Variants in MAGI2 observed in about 807,000 individuals in gnomAD.
MAGI2 encodes membrane associated guanylate kinase, WW and PDZ domain containing 2.
Under a neutral mutation model 133.3 loss-of-function variants are expected in MAGI2, and 35 were observed. The observed-to-expected ratio is 0.26, with a 90% CI of 0.20 to 0.35. The LOEUF is 0.35. Ranked by LOEUF, MAGI2 falls within the 10% of genes least tolerant of loss-of-function variation. The pLI, the probability that MAGI2 is intolerant of heterozygous loss-of-function variation, is 1.00. For missense variants in MAGI2, 1,636 were observed against 1,863.4 expected, an observed-to-expected ratio of 0.88 and a Z score of 2.25; for synonymous variants, 729 against 710.6, an observed-to-expected ratio of 1.03 and a Z score of -0.41.
chr7:78,463,769 T>A (rs1183481781), intron 6 of MAGI2, among the ~76,000 whole-genome samples: 1 of 152,232 alleles, frequency 6.6e-6, no homozygotes, highest in Non-Finnish European at 1.5e-5. Context: ...TTATTTTTCA[T>A]GTCTACTATG....
chr7:78,741,165 A>G (rs1278103752), intron 2 of MAGI2, among the ~76,000 whole-genome samples: 2 of 152,150 alleles, frequency 1.3e-5, no homozygotes, highest in Admixed American at 1.3e-4. Context: ...TACAGGAAGT[A>G]AGAGCTATAG....
intron 1 of MAGI2, among the ~76,000 whole-genome samples, chr7:79,140,086 G>A (rs898795474): frequency 2.6e-5 from 4 of 152,106 alleles, no homozygotes; most frequent in African/African-American, 9.7e-5. Flanking sequence ...TTTAGCCTTC[G>A]AGACCATTAA....
intron 2 of MAGI2, among the ~76,000 whole-genome samples, chr7:78,793,231 G>C (rs1787323335): frequency 6.6e-6 from 1 of 152,196 alleles, no homozygotes; most frequent in South Asian, 2.1e-4. Flanking sequence ...ATGTTTGAGA[G>C]ATATGCACTG....
intron 9 of MAGI2, among the ~76,000 whole-genome samples, chr7:78,280,853 CAAAAAA>C (rs36097343): frequency 2.3e-3 from 252 of 108,038 alleles, no homozygotes; most frequent in African/African-American, 8.4e-3. Flanking sequence ...GATGGGTATA[CAAAAAA>C]AAAAAAAAAA....
At chr7:78,702,446 A>G (rs2151153047) in intron 2 of MAGI2, among the ~76,000 whole-genome samples, 1 of 152,112 alleles carries the variant, frequency 6.6e-6, no homozygotes, top group Non-Finnish European at 1.5e-5. Context: ...TATAGTCACT[A>G]AATAGAATAA....
At chr7:79,315,481 G>A (rs959960437) in intron 1 of MAGI2, among the ~76,000 whole-genome samples, 5 of 151,236 alleles carry the variant, frequency 3.3e-5, no homozygotes, top group South Asian at 4.2e-4. Context: ...AGCCTAATTC[G>A]TTTTTTTTAA....
intron 1 of MAGI2, among the ~76,000 whole-genome samples, chr7:79,307,267 C>A (rs73704122): frequency 6.6e-6 from 1 of 152,114 alleles, no homozygotes; most frequent in Non-Finnish European, 1.5e-5. Flanking sequence ...AAAATCATAG[C>A]TACACCTAGT....
At chr7:79,384,130 TA>T (rs1238915380) in intron 1 of MAGI2, among the ~76,000 whole-genome samples, 1 of 151,142 alleles carries the variant, frequency 6.6e-6, no homozygotes, top group Non-Finnish European at 1.5e-5. Flanking sequence ...ACAGATACAT[TA>T]AAAGAAAATT....
intron 2 of MAGI2, among the ~76,000 whole-genome samples, chr7:78,849,323 GC>G (rs1792919579): frequency 6.6e-6 from 1 of 151,970 alleles, no homozygotes; most frequent in Non-Finnish European, 1.5e-5. Context: ...ATATGGAATA[GC>G]AAAAACAAAA....
intron 7 of MAGI2, chr7:78,359,242 G>C (rs1376927502): frequency 6.6e-6 from 1 of 152,110 alleles, no homozygotes; most frequent in Non-Finnish European, 1.5e-5. Flanking sequence ...TCGTGAAAGG[G>C]GCATCTCTTT....
At chr7:79,142,750 G>GCTC (rs1251773058) in intron 1 of MAGI2, among the ~76,000 whole-genome samples, 7 of 152,162 alleles carry the variant, frequency 4.6e-5, no homozygotes, top group Non-Finnish European at 8.8e-5. Context: ...GTTGGATCTA[G>GCTC]CTCCTCAGTT....
At chr7:78,340,012 A>G (rs1790187534) in intron 9 of MAGI2, among the ~76,000 whole-genome samples, 1 of 152,170 alleles carries the variant, frequency 6.6e-6, no homozygotes, top group Non-Finnish European at 1.5e-5. Context: ...TCAGATGAAT[A>G]CCTCAATTTT....
Position 78,178,067 on chromosome 7 carries a change from T to G in MAGI2, c.2347A>C (p.Arg783=), listed in dbSNP as rs1563221199. 6.2e-7 allele frequency: 1 copy of G among 1,613,122 alleles called. No homozygotes were observed. The highest frequency in any genetic ancestry group is 8.5e-7 in the Non-Finnish European group (1 of 1,179,270). The part of the protein sequence containing the change: ...DYKELDVHLR[R]MESGFGFRIL... ...CTGAAGCCAAATCCAGACTCCATCCTCCGAAGATGAACATCCAATTCCTTA... is the reference window on the plus strand; with the variant it reads ...CTGAAGCCAAATCCAGACTCCATCCGCCGAAGATGAACATCCAATTCCTTA... The change falls in exon 14 of 22, where the codon AGG becomes CGG. Residue 783 remains arginine (R), a synonymous_variant. Transcript: ENST00000354212.
At chr7:78,059,087 G>A (rs960266748) in intron 21 of MAGI2, among the ~76,000 whole-genome samples, 7 of 152,042 alleles carry the variant, frequency 4.6e-5, no homozygotes, top group Non-Finnish European at 8.8e-5. Flanking sequence ...GCATCTCCTA[G>A]GTTATCTTAA....
Position 78,168,089 on chromosome 7 carries a change from A to G in MAGI2, c.2423T>C (p.Ile808Thr). 3 of 1,614,028 alleles carry G rather than the reference A, an allele frequency of 1.9e-6. No individual in the cohort carries two copies. The highest frequency in any genetic ancestry group is 1.3e-5 in the African/African-American group (1 of 75,020). Residue 808 changes from isoleucine (I) to threonine (T), a missense_variant, in exon 15 of 22, where the codon ATT becomes ACT. By Grantham distance (89) the Ile-to-Thr change is moderately conservative (BLOSUM62 -1). This residue lies in a region of MAGI2 where 920 missense variants were observed against 1,093.5 expected (regional missense o/e 0.84). Coordinates refer to ENST00000354212, the MANE Select transcript of MAGI2 (RefSeq NM_012301.4). ...PGQPILIGAVIAMGSADRDGR... is the reference protein window; with the variant it reads ...PGQPILIGAVTAMGSADRDGR... ...ATCTCTGTCGGCTGAGCCCATGGCA[A>G]TGACAGCTCCAATCAAAATCTAGAG...
chr7:78,714,051 G>T, intron 2 of MAGI2, among the ~76,000 whole-genome samples: 1 of 131,086 alleles, frequency 7.6e-6, no homozygotes, highest in African/African-American at 2.8e-5. Flanking sequence ...GAGCACAGTT[G>T]TGTGATATGT....
chr7:78,419,946 T>C (rs892572179), intron 6 of MAGI2, among the ~76,000 whole-genome samples: 1 of 152,180 alleles, frequency 6.6e-6, no homozygotes, highest in Non-Finnish European at 1.5e-5. Context: ...GAGTTCAGTG[T>C]AAGCAGGCAT....
chr7:78,559,570 C>T (rs1398810501), intron 3 of MAGI2, among the ~76,000 whole-genome samples: 4 of 151,896 alleles, frequency 2.6e-5, no homozygotes, highest in African/African-American at 9.7e-5. Context: ...TTTCCCATGC[C>T]GATGCTCGTG....
chr7:78,840,269 T>C (rs978389654), intron 2 of MAGI2, among the ~76,000 whole-genome samples: 1 of 152,100 alleles, frequency 6.6e-6, no homozygotes, highest in Non-Finnish European at 1.5e-5. Flanking sequence ...GGAACTTTAG[T>C]TAGTTAAATC....
Sources: gnomAD v4.1 joint callset for allele counts (sites outside exome capture counted in the v4.1 genomes callset) on GRCh38, gnomAD v4.1.1 for gene constraint, gnomAD v4.1.1 regional missense constraint, MANE v1.5 for transcripts, NCBI Gene and HGNC (gene_info 2026-07-23, HGNC 2026-07-21) for gene names.